CCSER1: variants seen among roughly 807,000 people sequenced by gnomAD.
The protein encoded by CCSER1 is serine-rich coiled-coil domain-containing protein 1.
Under a neutral mutation model 82.0 loss-of-function variants are expected in CCSER1, and 41 were observed. The observed-to-expected ratio is 0.50, with a 90% CI of 0.39 to 0.65. The LOEUF (loss-of-function observed/expected upper bound fraction) is 0.65, where lower values mean the gene tolerates loss of function less well. CCSER1 is among the 30% of genes least tolerant of loss of function. The probability of loss-of-function intolerance (pLI) is 0.00; values close to 1 mark genes in which losing one functional copy is unlikely to be tolerated. For missense variants in CCSER1, 1,119 were observed against 1,064.2 expected (o/e 1.05, Z -0.72); for synonymous variants, 414 against 383.9 (o/e 1.08, Z -0.92).
At chr4:90,144,033 A>G (rs1313103344) in intron 1 of CCSER1, among the ~76,000 whole-genome samples, 1 of 152,154 alleles carries the variant, frequency 6.6e-6, no homozygotes, top group South Asian at 2.1e-4. Context: ...CTGTATTCCC[A>G]TTACTTGTAA....
At chr4:90,549,346 A>T (rs947424602) in intron 5 of CCSER1, among the ~76,000 whole-genome samples, 1 of 152,208 alleles carries the variant, frequency 6.6e-6, no homozygotes, top group Non-Finnish European at 1.5e-5. Context: ...AAATTGTCAC[A>T]TCTAGAAACA....
At chr4:90,919,369 G>A (rs984713993) in intron 8 of CCSER1, among the ~76,000 whole-genome samples, 8 of 151,748 alleles carry the variant, frequency 5.3e-5, no homozygotes, top group African/African-American at 9.7e-5. Context: ...TTACTATCTT[G>A]TGTGATATTT....
chr4:91,236,869 G>A (rs1253709999), intron 10 of CCSER1, among the ~76,000 whole-genome samples: 3 of 152,168 alleles, frequency 2.0e-5, no homozygotes, highest in African/African-American at 7.2e-5. Flanking sequence ...CCAGTGTTGT[G>A]TTTAAATAAA....
chr4:91,213,476 A>G (rs1032135090), intron 10 of CCSER1, among the ~76,000 whole-genome samples: 1 of 152,178 alleles, frequency 6.6e-6, no homozygotes, highest in Non-Finnish European at 1.5e-5. Flanking sequence ...AACATTCCAA[A>G]TGAACTCTTT....
At chr4:90,514,262 T>A (rs1578901861) in intron 5 of CCSER1, among the ~76,000 whole-genome samples, 1 of 152,174 alleles carries the variant, frequency 6.6e-6, no homozygotes, top group African/African-American at 2.4e-5. Flanking sequence ...TCTAATACAA[T>A]TTTATAATTA....
At chr4:90,607,246 A>G (rs1166236414) in intron 5 of CCSER1, among the ~76,000 whole-genome samples, 6 of 152,210 alleles carry the variant, frequency 3.9e-5, no homozygotes, top group Non-Finnish European at 7.3e-5. Flanking sequence ...ATTTGTGTAT[A>G]TTTTGATATA....
chr4:90,939,345 C>A (rs1731327088), intron 9 of CCSER1, among the ~76,000 whole-genome samples: 1 of 152,146 alleles, frequency 6.6e-6, no homozygotes, highest in Non-Finnish European at 1.5e-5. Flanking sequence ...AAATTAACCT[C>A]ATATTAAAGG....
At chr4:90,199,981 AT>A (rs1347906644) in intron 1 of CCSER1, among the ~76,000 whole-genome samples, 6 of 151,692 alleles carry the variant, frequency 4.0e-5, no homozygotes, top group Non-Finnish European at 7.4e-5. Flanking sequence ...CCAATGCAAT[AT>A]TTTTCCCATT....
chr4:90,742,988 C>T (rs1746804381), intron 7 of CCSER1, among the ~76,000 whole-genome samples: 1 of 151,592 alleles, frequency 6.6e-6, no homozygotes, highest in Non-Finnish European at 1.5e-5. Flanking sequence ...GTTTTCATAC[C>T]ACACATAAGT....
intron 1 of CCSER1, among the ~76,000 whole-genome samples, chr4:90,296,805 A>T (rs1732046014): frequency 6.6e-6 from 1 of 152,016 alleles, no homozygotes; most frequent in African/African-American, 2.4e-5. Context: ...ATAGTTGTAG[A>T]TATGCGGCAT....
intron 7 of CCSER1, among the ~76,000 whole-genome samples, chr4:90,812,988 T>C (rs1465812219): frequency 6.6e-6 from 1 of 152,176 alleles, no homozygotes; most frequent in Non-Finnish European, 1.5e-5. Flanking sequence ...ATTCTGTCCC[T>C]GGCCCCTCCC....
chr4:91,137,157 C>T (rs1419478627), intron 10 of CCSER1, among the ~76,000 whole-genome samples: 1 of 115,428 alleles, frequency 8.7e-6, no homozygotes, highest in Non-Finnish European at 1.8e-5. Context: ...GCTATCCCTC[C>T]CCCCTCCCCC....
chr4:90,429,970 T>C (rs181994235), intron 4 of CCSER1, among the ~76,000 whole-genome samples: 3 of 151,982 alleles, frequency 2.0e-5, no homozygotes, highest in East Asian at 3.9e-4. Flanking sequence ...GAAAGATCTT[T>C]ACTAAGTCTC....
intron 1 of CCSER1, among the ~76,000 whole-genome samples, chr4:90,179,567 C>T (rs1733336736): frequency 6.6e-6 from 1 of 152,156 alleles, no homozygotes; most frequent in East Asian, 1.9e-4. Flanking sequence ...AAATTTTGTA[C>T]AGAGAGGGTC....
chr4:91,315,094 A>T (rs1453987436), intron 10 of CCSER1, among the ~76,000 whole-genome samples: 1 of 151,694 alleles, frequency 6.6e-6, no homozygotes, highest in Non-Finnish European at 1.5e-5. Flanking sequence ...TGTAGTATTT[A>T]TTTACCCACT....
chr4:90,410,028 C>T (rs199849629), intron 4 of CCSER1, among the ~76,000 whole-genome samples: 3 of 151,542 alleles, frequency 2.0e-5, no homozygotes, highest in Non-Finnish European at 4.4e-5. Flanking sequence ...TCAAAAGGGA[C>T]AAAGAAGGCC....
At chr4:90,483,089 GTTC>G (rs762399592) in intron 5 of CCSER1, among the ~76,000 whole-genome samples, 40 of 152,264 alleles carry the variant, frequency 2.6e-4, no homozygotes, top group East Asian at 1.5e-3. Flanking sequence ...AGGATAGTTA[GTTC>G]TTCTTGTTGA....
At chr4:91,529,724 T>G (rs1184911092) in intron 10 of CCSER1, among the ~76,000 whole-genome samples, 1 of 151,150 alleles carries the variant, frequency 6.6e-6, no homozygotes, top group Non-Finnish European at 1.5e-5. Flanking sequence ...TTCTCTTCCC[T>G]TCTCAGGAAG....
intron 4 of CCSER1, among the ~76,000 whole-genome samples, chr4:90,449,931 C>T (rs1390436346): frequency 6.6e-6 from 1 of 152,196 alleles, no homozygotes; most frequent in Non-Finnish European, 1.5e-5. Flanking sequence ...CTCCTGCTGG[C>T]TCCATGGAGT....
Sources: gnomAD v4.1 joint callset for allele counts (sites outside exome capture counted in the v4.1 genomes callset) on GRCh38, gnomAD v4.1.1 for gene constraint, MANE v1.5 for transcripts, NCBI Gene and HGNC (gene_info 2026-07-23, HGNC 2026-07-21) for gene names.